SPOCK1: variants seen among roughly 807,000 people sequenced by gnomAD.
SPOCK1 encodes the protein SPARC (osteonectin), cwcv and kazal like domains proteoglycan 1, also known as testican-1.
In SPOCK1, 23 loss-of-function variants were observed where a neutral mutation model predicts 55.3. The ratio of observed to expected loss-of-function variants is 0.42; its 90% CI spans 0.30 to 0.59. The LOEUF (loss-of-function observed/expected upper bound fraction) is 0.59, where lower values mean the gene tolerates loss of function less well. SPOCK1 is among the 20% of genes least tolerant of loss of function. The probability of loss-of-function intolerance (pLI) is 0.22; values close to 1 mark genes in which losing one functional copy is unlikely to be tolerated. For synonymous variants in SPOCK1, 226 were observed against 221.0 expected (o/e 1.02, Z -0.20); for missense variants, 499 against 552.5 (o/e 0.90, Z 0.97).
intron 3 of SPOCK1, among the ~76,000 whole-genome samples, chr5:137,233,601 C>A (rs940939838): frequency 2.0e-5 from 3 of 151,884 alleles, no homozygotes; most frequent in East Asian, 1.9e-4. Context: ...GACTGGGGAC[C>A]CCTGCTATAC....
At chr5:137,358,303 C>T (rs1176753110) in intron 2 of SPOCK1, among the ~76,000 whole-genome samples, 5 of 151,888 alleles carry the variant, frequency 3.3e-5, no homozygotes, top group African/African-American at 4.8e-5. Context: ...CACTGCCCAA[C>T]TCCCAGAAGA....
chr5:137,327,301 T>G (rs1356017431), intron 2 of SPOCK1, among the ~76,000 whole-genome samples: 3 of 152,244 alleles, frequency 2.0e-5, no homozygotes, highest in African/African-American at 7.2e-5. Flanking sequence ...ATCCCAATAA[T>G]GAAAACTGAT....
Position 137,071,689 on chromosome 5 carries a change from C to T in SPOCK1, c.475-3860G>A, listed in dbSNP as rs563641977. 6.6e-5 allele frequency among the ~76,000 whole-genome samples: 10 copies of T among 152,296 alleles called. No individual in the cohort carries two copies. In the South Asian group the frequency reaches 2.1e-3, roughly 32 times the overall value. On this transcript the variant is annotated intron_variant, in intron 5 of 10. Coordinates refer to ENST00000394945, the MANE Select transcript of SPOCK1 (RefSeq NM_004598.4). ...TCCATGAGCAAGTGCGGGTAGAGCC[C>T]TCCAGGAAGGGTTGAGAGTGTGAAG...
intron 6 of SPOCK1, among the ~76,000 whole-genome samples, chr5:136,995,977 C>CA (rs1279475119): frequency 6.6e-6 from 1 of 152,200 alleles, no homozygotes; most frequent in Non-Finnish European, 1.5e-5. Context: ...AGAAGAAAGT[C>CA]AGGCACAGGT....
At chr5:137,056,524 C>T (rs1423504252) in intron 6 of SPOCK1, among the ~76,000 whole-genome samples, 1 of 151,976 alleles carries the variant, frequency 6.6e-6, no homozygotes, top group Non-Finnish European at 1.5e-5. Flanking sequence ...GAGATTTAGG[C>T]CTCTTCAGCC....
chr5:137,173,187 C>T (rs1056763809), intron 3 of SPOCK1, among the ~76,000 whole-genome samples: 4 of 152,106 alleles, frequency 2.6e-5, no homozygotes, highest in African/African-American at 7.2e-5. Flanking sequence ...GAACTCAACA[C>T]GAGACCTCTT....
chr5:137,219,839 G>A (rs1580813555), intron 3 of SPOCK1, among the ~76,000 whole-genome samples: 1 of 152,330 alleles, frequency 6.6e-6, no homozygotes, highest in East Asian at 1.9e-4. Context: ...GGAGAGACAT[G>A]ATGATTTTAT....
chr5:137,097,880 C>A (rs1238085577), intron 5 of SPOCK1, among the ~76,000 whole-genome samples: 1 of 152,176 alleles, frequency 6.6e-6, no homozygotes, highest in Non-Finnish European at 1.5e-5. Flanking sequence ...ACCAGAGGTG[C>A]CTGCTGCCGT....
intron 2 of SPOCK1, among the ~76,000 whole-genome samples, chr5:137,390,560 G>T (rs1333421649): frequency 6.6e-6 from 1 of 152,176 alleles, no homozygotes; most frequent in Non-Finnish European, 1.5e-5. Context: ...AGCTGCTCAG[G>T]CTTGAAAAAC....
intron 6 of SPOCK1, among the ~76,000 whole-genome samples, chr5:137,030,100 CTCT>C (rs1329533428): frequency 6.6e-6 from 1 of 152,216 alleles, no homozygotes; most frequent in African/African-American, 2.4e-5. Flanking sequence ...GTATTATAAA[CTCT>C]TCTTTAGACC....
At position 137,480,702 on chromosome 5, in the gene SPOCK1, C is replaced by T. The variant is rs752782314; in HGVS notation, c.186+17671G>A. Among the ~76,000 whole-genome samples, 48 of 152,170 alleles carry T rather than the reference C, an allele frequency of 3.2e-4. 1 individual carries two copies. Among genetic ancestry groups the T allele is most frequent in the Admixed American group, 7.2e-4 (11 of 15,270 alleles). On this transcript the variant is annotated intron_variant, in intron 2 of 10. Transcript: ENST00000394945. ...CACTCCACGTCACCCACCCCATGCC[C>T]TCTAAAGAACCATTGTATCTATTTC...
chr5:137,166,462 T>A lies in SPOCK1; in HGVS notation c.233-25768A>T, dbSNP rs751009099. On this transcript the variant is annotated intron_variant, in intron 3 of 10. Coordinates refer to ENST00000394945, the MANE Select transcript of SPOCK1 (RefSeq NM_004598.4). ...AAAAAAAAAAGACATTAATGAGCAA[T>A]AAGACACCATCTGAAGGTACAAAAT... is the stretch of plus-strand genomic sequence containing the variant. Among the ~76,000 whole-genome samples, 97 of 151,088 alleles carry A rather than the reference T, an allele frequency of 6.4e-4. 1 individual carries two copies. Among genetic ancestry groups the A allele is most frequent in the Non-Finnish European group, 1.2e-3 (79 of 67,794 alleles).
intron 3 of SPOCK1, among the ~76,000 whole-genome samples, chr5:137,181,277 T>A (rs551644803): frequency 6.6e-6 from 1 of 152,294 alleles, no homozygotes; most frequent in Non-Finnish European, 1.5e-5. Flanking sequence ...AGTCTGCAGA[T>A]AGAACATGAA....
In SPOCK1 at chr5:137,081,471, C is replaced by G. The variant is rs532218616; in HGVS notation, c.475-13642G>C. Reference sequence around the variant, plus strand: ...GTCAAAAAAAGCCATTAAGATCTCACCTTGGGCTGACATAAGACACCCATC... The same window carrying G: ...GTCAAAAAAAGCCATTAAGATCTCAGCTTGGGCTGACATAAGACACCCATC... On this transcript the variant is annotated intron_variant, in intron 5 of 10. Coordinates refer to ENST00000394945, the MANE Select transcript of SPOCK1 (RefSeq NM_004598.4). Among the ~76,000 whole-genome samples, 15 of 152,314 alleles carry G rather than the reference C, an allele frequency of 9.8e-5. No homozygotes were observed. In the South Asian group the frequency reaches 2.1e-3, roughly 21 times the overall value.
At chr5:137,394,780 T>C (rs1751805763) in intron 2 of SPOCK1, among the ~76,000 whole-genome samples, 1 of 151,970 alleles carries the variant, frequency 6.6e-6, no homozygotes, top group Non-Finnish European at 1.5e-5. Flanking sequence ...TGTAATAGGG[T>C]TTTAAGATAG....
At chr5:137,062,187 G>A (rs760067339) in intron 6 of SPOCK1, among the ~76,000 whole-genome samples, 8 of 152,156 alleles carry the variant, frequency 5.3e-5, no homozygotes, top group East Asian at 1.9e-4. Context: ...CCCCTGGTCC[G>A]TATGGGGAAA....
At chr5:137,036,846 T>C (rs1751894687) in intron 6 of SPOCK1, among the ~76,000 whole-genome samples, 1 of 152,146 alleles carries the variant, frequency 6.6e-6, no homozygotes, top group Non-Finnish European at 1.5e-5. Context: ...TGCTATTGAT[T>C]TCTCTCCTCA....
chr5:137,265,085 G>A (rs753898336), intron 3 of SPOCK1, among the ~76,000 whole-genome samples: 2 of 152,144 alleles, frequency 1.3e-5, no homozygotes, highest in African/African-American at 2.4e-5. Context: ...ATCATTCCTA[G>A]GAGAGAAAAA....
At chr5:137,381,809 G>T (rs1751476964) in intron 2 of SPOCK1, among the ~76,000 whole-genome samples, 1 of 152,210 alleles carries the variant, frequency 6.6e-6, no homozygotes, top group Non-Finnish European at 1.5e-5. Flanking sequence ...AAATGCCTTT[G>T]AGGCATTTTC....
Sources: gnomAD v4.1 joint callset for allele counts (sites outside exome capture counted in the v4.1 genomes callset) on GRCh38, gnomAD v4.1.1 for gene constraint, MANE v1.5 for transcripts, NCBI Gene and HGNC (gene_info 2026-07-23, HGNC 2026-07-21) for gene names.